SYNE1: variants seen among roughly 807,000 people sequenced by gnomAD.
The protein encoded by SYNE1 is nesprin-1.
SYNE1 carries 616 observed loss-of-function variants against 1,111.0 expected under a neutral mutation model. That is an observed-to-expected ratio of 0.55 (90% CI 0.52 to 0.59). SYNE1 has a LOEUF of 0.59. SYNE1 is among the 20% of genes least tolerant of loss of function. The pLI, the probability that SYNE1 is intolerant of heterozygous loss-of-function variation, is 0.00. For synonymous variants in SYNE1, 3,855 were observed against 3,825.8 expected, an observed-to-expected ratio of 1.01 and a Z score of -0.28; for missense variants, 10,006 against 10,417.0, an observed-to-expected ratio of 0.96 and a Z score of 1.72.
At position 152,502,744 on chromosome 6, in the gene SYNE1, T is replaced by C; in HGVS notation, c.779-2A>G. ...CATCTGGTTTATCCACATCAACGTC[T>C]GAAAAAACAAAAAAGAAATGTGAAT... On this transcript the variant is annotated splice_acceptor_variant, in intron 9 of 145. Coordinates refer to ENST00000367255, the MANE Select transcript of SYNE1 (RefSeq NM_182961.4). LOFTEE classifies it high-confidence loss of function. The C allele has an allele frequency of 6.2e-7, 1 of 1,601,144 alleles. No homozygotes were observed. The highest frequency in any genetic ancestry group is 8.6e-7 in the Non-Finnish European group (1 of 1,168,794).
Position 152,406,998 on chromosome 6 carries a change from AAC to A in SYNE1, c.6723+14_6723+15del, listed in dbSNP as rs763192625. 1.2e-6 allele frequency: 2 copies of A among 1,612,826 alleles called. No homozygotes were observed. Among genetic ancestry groups the A allele is most frequent in the South Asian group, 1.1e-5 (1 of 90,974 alleles). Reference sequence around the variant, plus strand: ...AATATGCCACCAGCTGCCATATGTCAACACAGTCAATTTACCTCAAATTCTTT... The same window carrying A: ...AATATGCCACCAGCTGCCATATGTCAACAGTCAATTTACCTCAAATTCTTT... On this transcript the variant is annotated intron_variant, in intron 45 of 145. Coordinates refer to ENST00000367255, the MANE Select transcript of SYNE1 (RefSeq NM_182961.4).
intron 140 of SYNE1, 152 bp downstream of exon 140, chr6:152,139,798 G>A: frequency 1.4e-6 from 1 of 728,000 alleles, no homozygotes; most frequent in Non-Finnish European, 2.4e-6. Context: ...AATTTGGGAT[G>A]GCTGGAGGTG....
intron 60 of SYNE1, 48 bp downstream of exon 60, chr6:152,369,419 AGGAC>A: frequency 1.9e-6 from 3 of 1,613,678 alleles, no homozygotes; most frequent in South Asian, 1.1e-5. Flanking sequence ...AGGTCGACAG[AGGAC>A]GGACAAAGAC....
rs757253858 is a variant in SYNE1, at chr6:152,458,868, T to G, written c.2457A>C (p.Glu819Asp). The change falls in exon 22 of 146, where the codon GAA becomes GAC. Residue 819 changes from glutamate (E) to aspartate (D), a missense_variant. Around this residue, in one of 7 missense-constraint regions of SYNE1, gnomAD observed 1,971 missense variants for 2,084.1 expected, o/e 0.95. Coordinates refer to ENST00000367255, the MANE Select transcript of SYNE1 (RefSeq NM_182961.4). ...AAAAGGACGTCATCTGCTTTTCTAA[T>G]TCCTCCAACGGAATCAACAGCTGCT... Reference protein sequence around the residue: ...ESQQLLIPLEELEKQMTSFYD... With the variant: ...ESQQLLIPLEDLEKQMTSFYD... 2 of 1,614,064 alleles carry G rather than the reference T, an allele frequency of 1.2e-6. No individual in the cohort carries two copies. Among genetic ancestry groups the G allele is most frequent in the Non-Finnish European group, 1.7e-6 (2 of 1,179,966 alleles).
rs893049033 is a variant in SYNE1 at position 152,232,223 on chromosome 6, C to T, written c.20755G>A (p.Val6919Ile). Residue 6919 changes from valine (V) to isoleucine (I), a missense_variant, in exon 113 of 146, where the codon GTC (valine) becomes ATC (isoleucine). Physicochemically the swap from Val to Ile is conservative, Grantham distance 29. Coordinates refer to ENST00000367255, the MANE Select transcript of SYNE1 (RefSeq NM_182961.4). ...TCCATTAGAGAAATCCAACTCATGA[C>T]TTCAGAAATGGCATGGCGGGAAGGC... Reference protein sequence around the residue: ...KLPSRHAISEVMSWISLMENV... With the variant: ...KLPSRHAISEIMSWISLMENV... 3 of 1,614,022 alleles carry T rather than the reference C, an allele frequency of 1.9e-6. No homozygotes were observed. In the East Asian group the frequency reaches 6.7e-5, roughly 36 times the overall value.
intron 129 of SYNE1, chr6:152,179,573 T>G (rs1422298916): frequency 6.6e-6 from 1 of 150,800 alleles, no homozygotes; most frequent in Non-Finnish European, 1.5e-5. Flanking sequence ...AATACTGAAC[T>G]GAATAGTAGA....
rs114980978 is a variant in SYNE1 at position 152,152,230 on chromosome 6, G to A, written c.24130-89C>T. The A allele has an allele frequency of 1.7e-3, 1,991 of 1,183,228 alleles. 24 individuals carry two copies. The African/African-American group carries it at 0.027, about 16-fold the overall frequency. The allele number at this position is 1,183,228 out of a possible 1,614,324, so 73.3% of individuals were successfully genotyped here. A position where few individuals can be genotyped will look rare whatever the true frequency, so the allele number is the denominator to read the frequency against. ...GGTTTTCTTATTGTAGCGTCTGGGAGAATGGGAAGTTACACTATCACAGAG... is the reference window on the plus strand; with the variant it reads ...GGTTTTCTTATTGTAGCGTCTGGGAAAATGGGAAGTTACACTATCACAGAG... On this transcript the variant is annotated intron_variant, in intron 133 of 145. Transcript: ENST00000367255.
chr6:152,130,006 C>G (rs186195153), intron 145 of SYNE1, among the ~76,000 whole-genome samples: 2 of 152,206 alleles, frequency 1.3e-5, no homozygotes, highest in African/African-American at 4.8e-5. Flanking sequence ...CTGCTAACTG[C>G]GGGAGTGAGG....
intron 16 of SYNE1, among the ~76,000 whole-genome samples, chr6:152,468,361 T>C (rs2098783919): frequency 6.6e-6 from 1 of 152,208 alleles, no homozygotes; most frequent in Non-Finnish European, 1.5e-5. Context: ...AGAGCTGTTT[T>C]TTTTTCTTTC....
At chr6:152,573,385 T>G (rs994450796) in intron 3 of SYNE1, among the ~76,000 whole-genome samples, 1 of 135,944 alleles carries the variant, frequency 7.4e-6, no homozygotes, top group Non-Finnish European at 1.5e-5. Flanking sequence ...CCTGTGTCCA[T>G]GTGTTCTCAT....
intron 12 of SYNE1, among the ~76,000 whole-genome samples, chr6:152,486,502 A>G (rs1564388557): frequency 6.6e-6 from 1 of 152,232 alleles, no homozygotes; most frequent in Non-Finnish European, 1.5e-5. Flanking sequence ...ATGAACTAGC[A>G]TCTGTATAAC....
chr6:152,388,962 T>A (rs2097564456), intron 53 of SYNE1, among the ~76,000 whole-genome samples: 1 of 152,236 alleles, frequency 6.6e-6, no homozygotes, highest in East Asian at 1.9e-4. Context: ...AAGACAATGA[T>A]AGCATCTGAT....
At chr6:152,517,954 C>T (rs1395932907) in intron 6 of SYNE1, among the ~76,000 whole-genome samples, 1 of 151,538 alleles carries the variant, frequency 6.6e-6, no homozygotes, top group African/African-American at 2.4e-5. Context: ...AACAATGTCC[C>T]ACTCTTTAAA....
Position 152,131,072 on chromosome 6 carries a change from A to G in SYNE1, c.26095-294T>C, listed in dbSNP as rs114681614. ...TAGAAACACATGTGTATATTTACAT[A>G]CAATAAATGTAAAATGCACTATGCC... On this transcript the variant is annotated intron_variant, in intron 144 of 145. Transcript: ENST00000367255. Among the ~76,000 whole-genome samples the G allele has an allele frequency of 8.0e-3, 1,213 of 152,342 alleles. 21 individuals are homozygous for G. The highest frequency in any genetic ancestry group is 0.028 in the African/African-American group (1,153 of 41,576).
intron 2 of SYNE1, among the ~76,000 whole-genome samples, chr6:152,629,152 G>T (rs142092648): frequency 6.6e-6 from 1 of 152,158 alleles, no homozygotes; most frequent in East Asian, 1.9e-4. Flanking sequence ...TTAAGGCTAG[G>T]GTGGGGTGGG....
intron 11 of SYNE1, among the ~76,000 whole-genome samples, chr6:152,491,472 C>A (rs2098970051): frequency 6.6e-6 from 1 of 152,164 alleles, no homozygotes; most frequent in Non-Finnish European, 1.5e-5. Flanking sequence ...CTTCTTCTCC[C>A]TTAGCCTGTG....
chr6:152,297,864 T>A (rs2094963527), intron 93 of SYNE1, among the ~76,000 whole-genome samples: 1 of 151,630 alleles, frequency 6.6e-6, no homozygotes, highest in South Asian at 2.1e-4. Flanking sequence ...GAATGACAAC[T>A]CCTGGTTTCT....
In SYNE1 at chr6:152,239,343, C is replaced by A. The variant is rs4869757; in HGVS notation, c.20067+190G>T. ...TTTCGACATGGCACAGCAGATAGCC[C>A]AATGTACACAGAAAACACAGGGGGA... On this transcript the variant is annotated intron_variant, in intron 108 of 145. Transcript: ENST00000367255. Among the ~76,000 whole-genome samples, 113,168 of 152,114 alleles carry A rather than the reference C, an allele frequency of 0.74. 42,633 individuals carry two copies. The highest frequency in any genetic ancestry group is 0.89 in the East Asian group (4,621 of 5,168).
intron 132 of SYNE1, 119 bp from the exon 133 acceptor site, chr6:152,155,161 GA>G: frequency 1.6e-6 from 2 of 1,264,594 alleles, no homozygotes; most frequent in Non-Finnish European, 2.3e-6. Context: ...TGTGCCAAAC[GA>G]TAACCATTCC....
Sources: allele counts gnomAD v4.1 joint callset (sites outside exome capture counted in the v4.1 genomes callset), GRCh38; gene constraint gnomAD v4.1.1; regional missense constraint gnomAD v4.1.1; transcripts MANE v1.5; gene names NCBI Gene and HGNC (gene_info 2026-07-23, HGNC 2026-07-21).